Variants in CALCRL observed in about 807,000 individuals in gnomAD.
CALCRL encodes calcitonin receptor like receptor.
Under a neutral mutation model 60.4 loss-of-function variants are expected in CALCRL, and 27 were observed. That is an observed-to-expected ratio of 0.45 (90% CI 0.33 to 0.62). CALCRL has a LOEUF of 0.62. Among genes scored for constraint, CALCRL ranks in the 20% least tolerant of loss-of-function variants. The probability of loss-of-function intolerance (pLI) is 0.03; values close to 1 mark genes in which losing one functional copy is unlikely to be tolerated. For missense variants in CALCRL, 424 were observed against 540.7 expected (o/e 0.78, Z 2.14); for synonymous variants, 190 against 182.6 (o/e 1.04, Z -0.33).
At chr2:187,382,409 C>T (rs1188831881) in intron 5 of CALCRL, among the ~76,000 whole-genome samples, 2 of 152,114 alleles carry the variant, frequency 1.3e-5, no homozygotes, top group African/African-American at 4.8e-5. Context: ...TATTGTTCAA[C>T]AATTAAATTT....
intron 5 of CALCRL, among the ~76,000 whole-genome samples, chr2:187,382,079 T>A (rs1688007163): frequency 6.6e-6 from 1 of 152,176 alleles, no homozygotes; most frequent in African/African-American, 2.4e-5. Flanking sequence ...ATCTCAGATA[T>A]GTCCATATCA....
At chr2:187,370,722 G>C (rs1231082768) in intron 8 of CALCRL, among the ~76,000 whole-genome samples, 1 of 152,120 alleles carries the variant, frequency 6.6e-6, no homozygotes, top group African/African-American at 2.4e-5. Context: ...TAATGTTAAA[G>C]CATGTCCATT....
At chr2:187,385,288 A>G (rs1238838830) in intron 4 of CALCRL, among the ~76,000 whole-genome samples, 1 of 151,604 alleles carries the variant, frequency 6.6e-6, no homozygotes, top group Non-Finnish European at 1.5e-5. Flanking sequence ...TTTTTTTTCA[A>G]TCTCTGATTA....
At chr2:187,371,325 G>C (rs1687509852) in intron 8 of CALCRL, among the ~76,000 whole-genome samples, 1 of 151,942 alleles carries the variant, frequency 6.6e-6, no homozygotes, top group African/African-American at 2.4e-5. Flanking sequence ...CAGGACCATA[G>C]TGTATAACAA....
chr2:187,435,283 C>T (rs570795225), intron 1 of CALCRL, among the ~76,000 whole-genome samples: 10 of 152,162 alleles, frequency 6.6e-5, no homozygotes, highest in Non-Finnish European at 1.2e-4. Flanking sequence ...TCTCCTATCT[C>T]GTGGCAACAG....
At chr2:187,421,684 G>A (rs1296600234) in intron 1 of CALCRL, among the ~76,000 whole-genome samples, 1 of 152,144 alleles carries the variant, frequency 6.6e-6, no homozygotes, top group Admixed American at 6.5e-5. Flanking sequence ...CCTCTGCTGT[G>A]TTGCCATCTG....
intron 12 of CALCRL, among the ~76,000 whole-genome samples, chr2:187,354,278 G>T (rs185952378): frequency 6.7e-4 from 102 of 152,046 alleles, no homozygotes; most frequent in Middle Eastern, 3.4e-3. Flanking sequence ...AGGAACTGGG[G>T]TAAATCTATA....
rs539464823 is a variant in CALCRL at position 187,378,957 on chromosome 2, G to T, written c.483C>A (p.Gly161=). ...TTACTTACTTGAAATAAAAGAATAT[G>T]CCAAGCGAGATAAGCAGTGATGCAA... ...LSIASLLISL[G]IFFYFKSLSC... The change falls in exon 8 of 15, where the codon GGC becomes GGA. Residue 161 remains glycine (G), a synonymous_variant. Coordinates refer to ENST00000392370, the MANE Select transcript of CALCRL (RefSeq NM_005795.6). The T allele has an allele frequency of 3.7e-6, 6 of 1,600,198 alleles. No individual in the cohort carries two copies. In the Admixed American group the frequency reaches 1.0e-4, roughly 27 times the overall value.
chr2:187,377,687 T>C (rs1164508416), intron 8 of CALCRL, among the ~76,000 whole-genome samples: 1 of 152,058 alleles, frequency 6.6e-6, no homozygotes, highest in Non-Finnish European at 1.5e-5. Context: ...TGTTTTTTAA[T>C]TGAAAAAATG....
chr2:187,394,911 A>G (rs1465466532), intron 1 of CALCRL, among the ~76,000 whole-genome samples: 1 of 152,070 alleles, frequency 6.6e-6, no homozygotes, highest in Non-Finnish European at 1.5e-5. Context: ...AGATAATGCT[A>G]ATCAATGCCT....
intron 8 of CALCRL, among the ~76,000 whole-genome samples, chr2:187,368,210 G>A (rs1215720814): frequency 6.6e-6 from 1 of 151,988 alleles, no homozygotes; most frequent in Non-Finnish European, 1.5e-5. Context: ...TCTAACCCAT[G>A]ATAAACACTC....
chr2:187,349,504 A>C (rs2105689682), intron 14 of CALCRL, among the ~76,000 whole-genome samples: 1 of 151,740 alleles, frequency 6.6e-6, no homozygotes, highest in South Asian at 2.1e-4. Context: ...AGTGGGAAAA[A>C]GTAAGAGGCA....
At chr2:187,361,964 T>A (rs1687073800) in intron 9 of CALCRL, among the ~76,000 whole-genome samples, 1 of 151,918 alleles carries the variant, frequency 6.6e-6, no homozygotes, top group Non-Finnish European at 1.5e-5. Flanking sequence ...CACTCAAAGG[T>A]GAAAATGAGA....
intron 8 of CALCRL, among the ~76,000 whole-genome samples, chr2:187,373,060 T>C (rs1293738354): frequency 6.6e-6 from 1 of 152,156 alleles, no homozygotes; most frequent in Non-Finnish European, 1.5e-5. Context: ...AGGGACATGC[T>C]GAAGGTCACA....
chr2:187,438,298 G>A (rs1690736391), intron 1 of CALCRL, among the ~76,000 whole-genome samples: 1 of 152,006 alleles, frequency 6.6e-6, no homozygotes, highest in Admixed American at 6.6e-5. Flanking sequence ...AGAGTCCTTT[G>A]GCTGTAAGTT....
chr2:187,360,575 C>T lies in CALCRL; in HGVS notation c.781+23G>A, dbSNP rs202194374. On this transcript the variant is annotated intron_variant, in intron 10 of 14. Coordinates refer to ENST00000392370, the MANE Select transcript of CALCRL (RefSeq NM_005795.6). ...AGGCTTCTTTAATCCACTGAATCAA[C>T]AAGTATGTATAATAACACTTACCCC... The T allele has an allele frequency of 6.3e-6, 10 of 1,579,134 alleles. 1 individual carries two copies. The Admixed American group carries it at 1.5e-4, about 23-fold the overall frequency.
rs1314322465 is a variant in CALCRL at position 187,343,607 on chromosome 2, T to G, written c.*2577A>C. On this transcript the variant is annotated 3_prime_UTR_variant, in exon 15 of 15. Transcript: ENST00000392370. Reference sequence around the variant, plus strand: ...TGGAAATTAACTTTAGGAAATAAAATGACAAATTAGAATTTAGAAAATTAA... The same window carrying G: ...TGGAAATTAACTTTAGGAAATAAAAGGACAAATTAGAATTTAGAAAATTAA... The G allele has an allele frequency of 6.6e-6, 1 of 151,806 alleles. No homozygotes were observed. The highest frequency in any genetic ancestry group is 1.9e-4 in the East Asian group (1 of 5,192). 9.4% of individuals were successfully genotyped at this position (151,806 alleles called of 1,614,324 possible).
At chr2:187,353,317 CA>C (rs1248560488) in intron 12 of CALCRL, among the ~76,000 whole-genome samples, 1 of 151,868 alleles carries the variant, frequency 6.6e-6, no homozygotes, top group African/African-American at 2.4e-5. Context: ...TCTTTTTCCT[CA>C]CCCTTAGTTC....
intron 1 of CALCRL, among the ~76,000 whole-genome samples, chr2:187,404,542 G>T (rs924689715): frequency 3.3e-5 from 5 of 149,874 alleles, no homozygotes; most frequent in Non-Finnish European, 7.4e-5. Context: ...ATAACATCCT[G>T]GGGTCTATCT....
Sources: allele counts gnomAD v4.1 joint callset (sites outside exome capture counted in the v4.1 genomes callset), GRCh38; gene constraint gnomAD v4.1.1; transcripts MANE v1.5; gene names NCBI Gene and HGNC (gene_info 2026-07-23, HGNC 2026-07-21).